Variants in MRRF observed in about 807,000 individuals in gnomAD.
MRRF encodes mitochondrial ribosome recycling factor, also known as ribosome-recycling factor, mitochondrial.
A neutral mutation model predicts 25.1 loss-of-function variants in MRRF; 18 were observed. That is an observed-to-expected ratio of 0.72 (90% CI 0.50 to 1.06). The LOEUF (loss-of-function observed/expected upper bound fraction) is 1.06. Ranked by LOEUF, MRRF falls within the 50% of genes least tolerant of loss-of-function variation. The probability of loss-of-function intolerance (pLI) is 0.00; values close to 1 mark genes in which losing one functional copy is unlikely to be tolerated. For missense variants in MRRF, 323 were observed against 319.3 expected (o/e 1.01, Z -0.09); for synonymous variants, 113 against 112.1 (o/e 1.01, Z -0.05).
rs181743552 is a variant in MRRF at position 122,277,428 on chromosome 9, G to A, written c.185-3015G>A. ...TGATCTTTTATAATTTTTAAAAACC[G>A]TTATGTTATATTCAGCTAGATTTTT... is the stretch of plus-strand genomic sequence containing the variant. On this transcript the variant is annotated intron_variant, in intron 2 of 6. Transcript: ENST00000344641. 1.5e-4 allele frequency among the ~76,000 whole-genome samples: 23 copies of A among 152,124 alleles called. No individual in the cohort carries two copies. The East Asian group carries it at 2.9e-3, about 19-fold the overall frequency.
At position 122,322,641 on chromosome 9, in the gene MRRF, T is replaced by A. The variant is rs1835961120; in HGVS notation, c.*24T>A. 6.2e-7 allele frequency: 1 copy of A among 1,609,846 alleles called. No homozygotes were observed. The highest frequency in any genetic ancestry group is 8.5e-7 in the Non-Finnish European group (1 of 1,176,364). On this transcript the variant is annotated 3_prime_UTR_variant, in exon 7 of 7. Transcript: ENST00000344641. Reference sequence around the variant, plus strand: ...GAAAGTCCACTGGGGCCAGCAATACTCCAGAGCCCAGTTTCTGCTGGATCC... The same window carrying A: ...GAAAGTCCACTGGGGCCAGCAATACACCAGAGCCCAGTTTCTGCTGGATCC...
At chr9:122,286,299 A>C in intron 4 of MRRF, 3 of 907,154 alleles carry the variant, frequency 3.3e-6, no homozygotes, top group Non-Finnish European at 1.5e-6. Context: ...CTGTGAACAC[A>C]CTGTTTCAAA....
intron 1 of MRRF, among the ~76,000 whole-genome samples, chr9:122,268,467 G>C (rs1267660123): frequency 6.6e-6 from 1 of 152,186 alleles, no homozygotes; most frequent in East Asian, 1.9e-4. Flanking sequence ...TTAGGCATTG[G>C]TTTTATTAGG....
intron 5 of MRRF, among the ~76,000 whole-genome samples, chr9:122,312,402 A>T (rs1388168437): frequency 6.6e-6 from 1 of 152,214 alleles, no homozygotes; most frequent in Non-Finnish European, 1.5e-5. Flanking sequence ...TTCAGAGCTT[A>T]TTCTTTCTCA....
At chr9:122,318,868 T>G (rs10985594) in intron 6 of MRRF, among the ~76,000 whole-genome samples, 1 of 152,296 alleles carries the variant, frequency 6.6e-6, no homozygotes, top group East Asian at 1.9e-4. Flanking sequence ...AGGATTGATA[T>G]GAGGACCAAA....
At chr9:122,299,139 C>T (rs1406380487) in intron 5 of MRRF, among the ~76,000 whole-genome samples, 1 of 151,002 alleles carries the variant, frequency 6.6e-6, no homozygotes, top group African/African-American at 2.4e-5. Context: ...ACCTGTAATC[C>T]CAGCATTTTG....
intron 1 of MRRF, among the ~76,000 whole-genome samples, chr9:122,269,035 A>G (rs1832287457): frequency 6.6e-6 from 1 of 151,614 alleles, no homozygotes; most frequent in Non-Finnish European, 1.5e-5. Flanking sequence ...GCGTGGTGGC[A>G]GGCGCCTGTA....
At chr9:122,294,638 G>T (rs1180527864) in intron 5 of MRRF, among the ~76,000 whole-genome samples, 1 of 152,154 alleles carries the variant, frequency 6.6e-6, no homozygotes, top group Non-Finnish European at 1.5e-5. Flanking sequence ...GCTGTGTTAC[G>T]TGAGAGGATA....
intron 4 of MRRF, among the ~76,000 whole-genome samples, chr9:122,287,924 C>G (rs10818675): frequency 0.11 from 16,465 of 152,118 alleles, 1,040 homozygotes; most frequent in East Asian, 0.24. Flanking sequence ...CGTAGAGTAC[C>G]CAGGTTCATA....
At chr9:122,271,821 T>C (rs1832481286) in intron 2 of MRRF, among the ~76,000 whole-genome samples, 1 of 152,198 alleles carries the variant, frequency 6.6e-6, no homozygotes, top group South Asian at 2.1e-4. Flanking sequence ...TGATAGAAAA[T>C]TGTCAGTCAC....
At chr9:122,277,135 C>T (rs1832826486) in intron 2 of MRRF, among the ~76,000 whole-genome samples, 1 of 152,176 alleles carries the variant, frequency 6.6e-6, no homozygotes, top group Non-Finnish European at 1.5e-5. Flanking sequence ...GCTGGGATTA[C>T]AAGTGTAAGT....
chr9:122,269,091 G>T (rs147052794), intron 1 of MRRF, among the ~76,000 whole-genome samples: 1 of 151,570 alleles, frequency 6.6e-6, no homozygotes, highest in Admixed American at 6.6e-5. Flanking sequence ...GCGTGTACCC[G>T]GGAGGCGGAG....
At position 122,322,555 on chromosome 9, in the gene MRRF, G is replaced by GCA; in HGVS notation, c.727_728insCA (p.Asp243AlafsTer14). On this transcript the variant is annotated frameshift_variant, in exon 7 of 7. Transcript: ENST00000344641. LOFTEE classifies it high-confidence loss of function. ...GTTCTTGCAGATCAGCCAAATGGCC[G>GCA]ATGACACAGTGGCAGAACTGGACAG... The GCA allele has an allele frequency of 2.5e-6, 4 of 1,614,108 alleles. No homozygotes were observed. The South Asian group carries it at 4.4e-5, about 18-fold the overall frequency.
At chr9:122,311,891 G>A (rs1168083360) in intron 5 of MRRF, among the ~76,000 whole-genome samples, 4 of 152,144 alleles carry the variant, frequency 2.6e-5, no homozygotes, top group African/African-American at 7.2e-5. Flanking sequence ...TAATTTTCCT[G>A]TTCCTTCCTT....
chr9:122,286,572 G>A (rs1009708771), intron 4 of MRRF, among the ~76,000 whole-genome samples: 1 of 152,114 alleles, frequency 6.6e-6, no homozygotes, highest in Non-Finnish European at 1.5e-5. Context: ...AATTAGTGAG[G>A]TGTGATGGCA....
intron 2 of MRRF, among the ~76,000 whole-genome samples, chr9:122,275,597 A>G (rs987002254): frequency 6.6e-6 from 1 of 152,148 alleles, no homozygotes; most frequent in African/African-American, 2.4e-5. Context: ...AGATCGCACC[A>G]CTGCACTCCA....
chr9:122,291,876 C>T (rs760325865), intron 5 of MRRF, 36 bp downstream of exon 5: 10 of 1,471,906 alleles, frequency 6.8e-6, no homozygotes, highest in South Asian at 5.7e-5. Flanking sequence ...TTTGATGAAA[C>T]GGGGTGGTTG....
chr9:122,269,684 C>T (rs1337793193), intron 1 of MRRF, among the ~76,000 whole-genome samples: 1 of 152,104 alleles, frequency 6.6e-6, no homozygotes, highest in Non-Finnish European at 1.5e-5. Context: ...CAAGATCGTG[C>T]CACTGTACTC....
chr9:122,319,032 C>T lies in MRRF; in HGVS notation c.712-3508C>T, dbSNP rs941520082. On this transcript the variant is annotated intron_variant, in intron 6 of 6. Coordinates refer to ENST00000344641, the MANE Select transcript of MRRF (RefSeq NM_138777.5). ...CTAACACAGCCTGTCTGGAATGAGG[C>T]GGGACTAGGCCAGGTGCTGTGGGAC... 4.6e-5 allele frequency among the ~76,000 whole-genome samples: 7 copies of T among 151,906 alleles called. No homozygotes were observed. The East Asian group carries it at 5.8e-4, about 13-fold the overall frequency.
Sources: allele counts gnomAD v4.1 joint callset (sites outside exome capture counted in the v4.1 genomes callset), GRCh38; gene constraint gnomAD v4.1.1; transcripts MANE v1.5; gene names NCBI Gene and HGNC (gene_info 2026-07-23, HGNC 2026-07-21).